ZNF331: variants seen among roughly 807,000 people sequenced by gnomAD.
The protein encoded by ZNF331 is zinc finger protein 331.
In ZNF331, 2 loss-of-function variants were observed where a neutral mutation model predicts 7.0. The observed-to-expected ratio is 0.29, with a 90% CI of 0.12 to 0.90. ZNF331 has a LOEUF of 0.90. Ranked by LOEUF, ZNF331 falls within the 40% of genes least tolerant of loss-of-function variation. The probability of loss-of-function intolerance (pLI) is 0.58; values close to 1 mark genes in which losing one functional copy is unlikely to be tolerated. For missense variants in ZNF331, 432 were observed against 587.7 expected, an observed-to-expected ratio of 0.74 and a Z score of 2.74; for synonymous variants, 196 against 205.4, an observed-to-expected ratio of 0.95 and a Z score of 0.39.
rs2088394299 is a variant in ZNF331, at chr19:53,544,187, A to G, written c.-138+4905A>G. Among the ~76,000 whole-genome samples, 3 of 150,270 alleles carry G rather than the reference A, an allele frequency of 2.0e-5. No homozygotes were observed. In the South Asian group the frequency reaches 6.4e-4, roughly 32 times the overall value. On this transcript the variant is annotated intron_variant, in intron 2 of 5. Transcript: ENST00000449416. ...GGTTGCAGTGAGTTGAGATCACGCC[A>G]CTGCACTCCAGCTTGGCCAGAGCAA...
intron 2 of ZNF331, among the ~76,000 whole-genome samples, chr19:53,548,215 T>A (rs567997941): frequency 3.6e-4 from 54 of 151,706 alleles, no homozygotes; most frequent in African/African-American, 1.3e-3. Flanking sequence ...TTCAAGCGAT[T>A]CTCCTGCCTC....
intron 2 of ZNF331, among the ~76,000 whole-genome samples, chr19:53,532,175 C>T (rs2087567963): frequency 1.3e-5 from 2 of 152,110 alleles, no homozygotes; most frequent in Admixed American, 6.6e-5. Flanking sequence ...ATTATAGTCA[C>T]CAGGTTATAA....
At position 53,571,545 on chromosome 19, in the gene ZNF331, CCTT is replaced by C; in HGVS notation, c.10-57_10-55del. Reference sequence around the variant, plus strand: ...CTACCCAGAGGGTGGCCTCCTGTCTCCTTCATCTGGAAGCTGTTTCCTTTCATT... The same window carrying C: ...CTACCCAGAGGGTGGCCTCCTGTCTCCATCTGGAAGCTGTTTCCTTTCATT... On this transcript the variant is annotated intron_variant, in intron 4 of 5. Transcript: ENST00000449416. The surrounding 1 kb of genome is among the most constrained non-coding windows in gnomAD (Gnocchi z 4.7). 1 of 1,596,848 alleles carries C rather than the reference CCTT, an allele frequency of 6.3e-7. No homozygotes were observed. Among genetic ancestry groups the C allele is most frequent in the East Asian group, 2.2e-5 (1 of 44,774 alleles).
chr19:53,543,544 G>A (rs1331067239), intron 2 of ZNF331, among the ~76,000 whole-genome samples: 1 of 151,998 alleles, frequency 6.6e-6, no homozygotes, highest in Non-Finnish European at 1.5e-5. Flanking sequence ...TGGGATTACA[G>A]GCATGAGCCA....
intron 2 of ZNF331, among the ~76,000 whole-genome samples, chr19:53,528,164 T>C (rs1283504964): frequency 6.6e-6 from 1 of 152,268 alleles, no homozygotes; most frequent in Non-Finnish European, 1.5e-5. Flanking sequence ...TGCAGAATCA[T>C]GTCTCTATTT....
intron 3 of ZNF331, among the ~76,000 whole-genome samples, chr19:53,557,744 CT>C (rs35324807): frequency 0.75 from 114,352 of 152,104 alleles, 43,756 homozygotes; most frequent in African/African-American, 0.9. Context: ...GGATAGATCA[CT>C]TTGAGGCCAG....
At chr19:53,526,654 G>A (rs550331138) in intron 2 of ZNF331, among the ~76,000 whole-genome samples, 22 of 151,558 alleles carry the variant, frequency 1.5e-4, no homozygotes, top group African/African-American at 2.9e-4. Flanking sequence ...CCAGGTTCAC[G>A]CCATTCTCCT....
intron 3 of ZNF331, among the ~76,000 whole-genome samples, chr19:53,556,218 G>A (rs2089411066): frequency 7.0e-6 from 1 of 142,168 alleles, no homozygotes; most frequent in African/African-American, 2.7e-5. Context: ...ACTCCAGCCT[G>A]GGCAACACAG....
upstream of ZNF331, among the ~76,000 whole-genome samples, chr19:53,517,625 G>A (rs1297786652): frequency 1.3e-5 from 2 of 152,106 alleles, no homozygotes; most frequent in Admixed American, 6.6e-5. Context: ...GTTCAAGTCT[G>A]CTGAGATTTG....
chr19:53,546,140 G>GAAAAAAAAAAAAAAAAAAAAAAAAAAAAA lies in ZNF331; in HGVS notation c.-138+6879_-138+6880insAAAAAAAAAAAAAAAAAAAAAAAAAAAAA, dbSNP rs527391326. Among the ~76,000 whole-genome samples the GAAAAAAAAAAAAAAAAAAAAAAAAAAAAA allele has an allele frequency of 2.4e-4, 27 of 113,504 alleles. 2 individuals are homozygous for GAAAAAAAAAAAAAAAAAAAAAAAAAAAAA. Among genetic ancestry groups the GAAAAAAAAAAAAAAAAAAAAAAAAAAAAA allele is most frequent in the Admixed American group, 4.1e-4 (4 of 9,666 alleles). 74.5% of individuals were successfully genotyped at this position (113,504 alleles called of 152,430 possible). The stretch of plus-strand genomic sequence containing the variant: ...CCTTCAGAAAAAGCATCCTGAGGGG[G>GAAAAAAAAAAAAAAAAAAAAAAAAAAAAA]AAAAAAAAAAAAAAAAAAAAATTAT... On this transcript the variant is annotated intron_variant, in intron 2 of 5. Coordinates refer to ENST00000449416, the MANE Select transcript of ZNF331 (RefSeq NM_001079906.2).
At chr19:53,540,785 C>CA (rs752383521) in intron 2 of ZNF331, among the ~76,000 whole-genome samples, 4 of 148,996 alleles carry the variant, frequency 2.7e-5, no homozygotes, top group South Asian at 2.2e-4. Flanking sequence ...AGACACTGCC[C>CA]CACATGCCTT....
intron 2 of ZNF331, among the ~76,000 whole-genome samples, chr19:53,528,112 G>A (rs1201699419): frequency 2.0e-5 from 3 of 152,082 alleles, no homozygotes; most frequent in African/African-American, 7.2e-5. Flanking sequence ...TTCTTGATTT[G>A]GTATCTCTTC....
chr19:53,503,420 G>C, the ZNF331 span: 1 of 560,908 alleles, frequency 1.8e-6, no homozygotes, highest in Non-Finnish European at 3.2e-6. Context: ...CCATGGGAAC[G>C]ATCTTCTTAT....
At chr19:53,536,420 T>G (rs1045229425), upstream of ZNF331, 2 of 152,228 alleles carry the variant, frequency 1.3e-5, no homozygotes, top group African/African-American at 4.8e-5. Context: ...TGTGTTAATT[T>G]CACCAAAACA....
intron 3 of ZNF331, among the ~76,000 whole-genome samples, chr19:53,566,117 T>C (rs9304746): frequency 0.72 from 108,847 of 151,868 alleles, 39,246 homozygotes; most frequent in African/African-American, 0.77. Context: ...CAAAACCAGC[T>C]GAGGGAGAGG....
In ZNF331 at chr19:53,551,615, C is replaced by T. The variant is rs1406779671; in HGVS notation, c.-137-4230C>T. ...TAGTGCACCCTTGGAATGAGTTCTG[C>T]ATCTGTGGATTCAGCCACAGATCAA... is the stretch of plus-strand genomic sequence containing the variant. On this transcript the variant is annotated intron_variant, in intron 2 of 5. Transcript: ENST00000449416. Among the ~76,000 whole-genome samples the T allele has an allele frequency of 3.3e-5, 5 of 152,072 alleles. No homozygotes were observed. The East Asian group carries it at 9.6e-4, about 29-fold the overall frequency.
chr19:53,543,124 A>G (rs1363699055), intron 2 of ZNF331, among the ~76,000 whole-genome samples: 1 of 149,946 alleles, frequency 6.7e-6, no homozygotes, highest in South Asian at 2.2e-4. Context: ...TTTTACCATT[A>G]GAAAAAAAAG....
upstream of ZNF331, among the ~76,000 whole-genome samples, chr19:53,517,834 G>C (rs2086939779): frequency 6.6e-6 from 1 of 152,058 alleles, no homozygotes; most frequent in African/African-American, 2.4e-5. Context: ...ACCACCAGTG[G>C]TCCAGAGATA....
chr19:53,507,364 T>C, the ZNF331 span, among the ~76,000 whole-genome samples: 4 of 152,224 alleles, frequency 2.6e-5, no homozygotes, highest in African/African-American at 9.6e-5. Flanking sequence ...TATTCCAATT[T>C]TGAGATGGGT....
Sources: allele counts gnomAD v4.1 joint callset (sites outside exome capture counted in the v4.1 genomes callset), GRCh38; gene constraint gnomAD v4.1.1; non-coding constraint Gnocchi (gnomAD v3.1); transcripts MANE v1.5; gene names NCBI Gene and HGNC (gene_info 2026-07-23, HGNC 2026-07-21).